The following CSMD1 variants were observed in gnomAD, a reference collection of about 807,000 sequenced individuals.
CSMD1 encodes the protein CUB and sushi domain-containing protein 1.
Under a neutral mutation model 417.5 loss-of-function variants are expected in CSMD1, and 213 were observed. The observed-to-expected ratio is 0.51, with a 90% confidence interval of 0.46 to 0.57. The LOEUF is 0.57. Among genes scored for constraint, CSMD1 ranks in the 20% least tolerant of loss-of-function variants. The pLI is 0.00. For synonymous variants in CSMD1, 2,862 were observed against 1,736.8 expected (o/e 1.65, Z -16.11); for missense variants, 6,923 against 4,529.7 (o/e 1.53, Z -15.17).
At chr8:3,729,899 AATT>A (rs1802725558) in intron 6 of CSMD1, among the ~76,000 whole-genome samples, 1 of 142,562 alleles carries the variant, frequency 7.0e-6, no homozygotes, top group South Asian at 2.3e-4. Context: ...AAATCTACAG[AATT>A]ATTATTTGCC....
chr8:4,895,895 T>C (rs1280392714), intron 1 of CSMD1, among the ~76,000 whole-genome samples: 1 of 152,124 alleles, frequency 6.6e-6, no homozygotes, highest in Non-Finnish European at 1.5e-5. Context: ...CTGTTGTAAA[T>C]ACGTTGAATT....
At chr8:4,639,133 T>C (rs1009033659) in intron 1 of CSMD1, among the ~76,000 whole-genome samples, 5 of 152,176 alleles carry the variant, frequency 3.3e-5, no homozygotes, top group African/African-American at 1.2e-4. Context: ...CTCCTGATCT[T>C]CATCCACCTA....
chr8:4,557,560 A>C (rs1798150149), intron 2 of CSMD1, among the ~76,000 whole-genome samples: 1 of 151,922 alleles, frequency 6.6e-6, no homozygotes, highest in Non-Finnish European at 1.5e-5. Context: ...AAGGCAGAAA[A>C]ACAACAGTAT....
intron 40 of CSMD1, among the ~76,000 whole-genome samples, chr8:3,148,464 A>G (rs1309446907): frequency 6.6e-6 from 1 of 152,188 alleles, no homozygotes; most frequent in African/African-American, 2.4e-5. Context: ...ACTCAGAGGA[A>G]ATCATTCACA....
intron 2 of CSMD1, among the ~76,000 whole-genome samples, chr8:4,525,892 G>T (rs1796489196): frequency 6.6e-6 from 1 of 152,100 alleles, no homozygotes; most frequent in Non-Finnish European, 1.5e-5. Flanking sequence ...TGCATTTATT[G>T]AATGATAAGT....
At chr8:4,162,969 T>C (rs1478941131) in intron 3 of CSMD1, among the ~76,000 whole-genome samples, 2 of 152,184 alleles carry the variant, frequency 1.3e-5, no homozygotes, top group Non-Finnish European at 2.9e-5. Flanking sequence ...CAAAATGCCC[T>C]AGAGTAGGAA....
intron 30 of CSMD1, among the ~76,000 whole-genome samples, chr8:3,209,869 G>T (rs1019938185): frequency 6.6e-6 from 1 of 151,970 alleles, no homozygotes; most frequent in Non-Finnish European, 1.5e-5. Flanking sequence ...TATACATCTC[G>T]TACATAAAAG....
intron 5 of CSMD1, among the ~76,000 whole-genome samples, chr8:3,849,324 C>G (rs1416959799): frequency 6.6e-6 from 1 of 152,064 alleles, no homozygotes. Flanking sequence ...GTTTCTGCAC[C>G]AGAATTTGGG....
At chr8:4,051,887 C>CCCCCTTT (rs1798448512) in intron 3 of CSMD1, among the ~76,000 whole-genome samples, 1 of 133,840 alleles carries the variant, frequency 7.5e-6, no homozygotes, top group Non-Finnish European at 1.6e-5. Context: ...TTTCTTCCTT[C>CCCCCTTT]CTTCCTTCCT....
intron 2 of CSMD1, among the ~76,000 whole-genome samples, chr8:4,552,093 A>T (rs569795966): frequency 1.3e-5 from 2 of 152,328 alleles, no homozygotes; most frequent in East Asian, 3.9e-4. Context: ...GAACTGACAT[A>T]TGCTAGCACT....
intron 3 of CSMD1, among the ~76,000 whole-genome samples, chr8:4,083,957 T>A (rs895837973): frequency 2.0e-5 from 3 of 152,138 alleles, no homozygotes; most frequent in African/African-American, 7.2e-5. Context: ...GACAAAGGGC[T>A]AATATCCAGA....
In CSMD1 at chr8:4,990,590, C is replaced by T. The variant is rs563103697; in HGVS notation, c.85+3742G>A. 6.6e-5 allele frequency among the ~76,000 whole-genome samples: 10 copies of T among 152,214 alleles called. No individual in the cohort carries two copies. The South Asian group carries it at 2.1e-3, about 32-fold the overall frequency. ...ATGTTGGTCAAGCTGGTCTCCTGAC[C>T]TTTGATGATCCACCCACCTCAGCCT... On this transcript the variant is annotated intron_variant, in intron 1 of 69. Transcript: ENST00000635120.
chr8:3,111,871 C>T (rs1231053596), intron 42 of CSMD1, among the ~76,000 whole-genome samples: 1 of 151,906 alleles, frequency 6.6e-6, no homozygotes, highest in South Asian at 2.1e-4. Flanking sequence ...CCATGCTGTC[C>T]CCATAACAAG....
At chr8:4,091,123 T>C (rs543537993) in intron 3 of CSMD1, among the ~76,000 whole-genome samples, 2 of 152,184 alleles carry the variant, frequency 1.3e-5, no homozygotes, top group Admixed American at 6.5e-5. Context: ...TTCACCATTT[T>C]GGCCAGGCTG....
chr8:4,158,269 G>A (rs1045767997), intron 3 of CSMD1, among the ~76,000 whole-genome samples: 1 of 151,806 alleles, frequency 6.6e-6, no homozygotes, highest in African/African-American at 2.4e-5. Context: ...TGCAGACATC[G>A]GGAAGACTAA....
intron 17 of CSMD1, 130 bp from the exon 18 acceptor site, chr8:3,387,812 A>C (rs979245618): frequency 5.5e-6 from 4 of 731,064 alleles, no homozygotes; most frequent in African/African-American, 3.6e-5. Flanking sequence ...AGTGAACCCA[A>C]CAATCCATGG....
intron 3 of CSMD1, among the ~76,000 whole-genome samples, chr8:4,322,541 T>G (rs1452185958): frequency 6.6e-6 from 1 of 152,088 alleles, no homozygotes. Flanking sequence ...ACATTTGAGG[T>G]AGGCCCTGAA....
intron 10 of CSMD1, among the ~76,000 whole-genome samples, chr8:3,538,112 A>G (rs1798279032): frequency 6.6e-6 from 1 of 152,260 alleles, no homozygotes; most frequent in Non-Finnish European, 1.5e-5. Context: ...TTTCAAGTTT[A>G]TAAACCAAAC....
intron 2 of CSMD1, among the ~76,000 whole-genome samples, chr8:4,627,377 C>A (rs185378046): frequency 6.6e-6 from 1 of 152,236 alleles, no homozygotes; most frequent in East Asian, 1.9e-4. Context: ...CTCTTTATTG[C>A]ATATTAATAT....
Sources: gnomAD v4.1 joint callset for allele counts (sites outside exome capture counted in the v4.1 genomes callset) on GRCh38, gnomAD v4.1.1 for gene constraint, MANE v1.5 for transcripts, NCBI Gene and HGNC (gene_info 2026-07-23, HGNC 2026-07-21) for gene names.